ZNF570: variants seen among roughly 807,000 people sequenced by gnomAD.
ZNF570 encodes zinc finger protein 570.
A neutral mutation model predicts 14.2 loss-of-function variants in ZNF570; 8 were observed. That is an observed-to-expected ratio of 0.56 (90% CI 0.33 to 1.02). The LOEUF (loss-of-function observed/expected upper bound fraction) is 1.02, where lower values mean the gene tolerates loss of function less well. Among genes scored for constraint, ZNF570 ranks in the 50% least tolerant of loss-of-function variants. The pLI, the probability that ZNF570 is intolerant of heterozygous loss-of-function variation, is 0.03. For missense variants in ZNF570, 559 were observed against 624.9 expected (o/e 0.89, Z 1.12); for synonymous variants, 202 against 207.6 (o/e 0.97, Z 0.23).
chr19:37,479,551 A>T (rs1039751512), intron 4 of ZNF570, among the ~76,000 whole-genome samples: 21 of 151,944 alleles, frequency 1.4e-4, no homozygotes, highest in Admixed American at 3.3e-4. Context: ...TTATGAATTT[A>T]AAAAAAATGT....
Position 37,485,320 on chromosome 19 carries a change from C to T in ZNF570, c.*87C>T. On this transcript the variant is annotated 3_prime_UTR_variant, in exon 5 of 5. Coordinates refer to ENST00000330173, the MANE Select transcript of ZNF570 (RefSeq NM_144694.5). ...GGTCTGATTCATCTCACTCTGATTACTAATATAGCTTTCAAACAGGTTTTC... is the reference window on the plus strand; with the variant it reads ...GGTCTGATTCATCTCACTCTGATTATTAATATAGCTTTCAAACAGGTTTTC... 7.9e-7 allele frequency: 1 copy of T among 1,268,228 alleles called. No homozygotes were observed. Among genetic ancestry groups the T allele is most frequent in the South Asian group, 1.9e-5 (1 of 51,996 alleles). The allele number at this position is 1,268,228 out of a possible 1,614,324, so 78.6% of individuals were successfully genotyped here. A position where few individuals can be genotyped will look rare whatever the true frequency, so the allele number is the denominator to read the frequency against.
intron 4 of ZNF570, 114 bp downstream of exon 4, chr19:37,476,548 T>G (rs1346754596): frequency 7.3e-7 from 1 of 1,366,240 alleles, no homozygotes; most frequent in Non-Finnish European, 9.5e-7. Context: ...TTCTAGGTTT[T>G]CATAAAAATT....
chr19:37,471,456 A>C (rs2041963388), intron 2 of ZNF570, among the ~76,000 whole-genome samples: 1 of 152,186 alleles, frequency 6.6e-6, no homozygotes, highest in Non-Finnish European at 1.5e-5. Flanking sequence ...ATTTTTAGTA[A>C]GCACCCATTA....
At position 37,485,658 on chromosome 19, in the gene ZNF570, AG is replaced by A. The variant is rs1362280429; in HGVS notation, c.*426del. 4 of 157,084 alleles carry A rather than the reference AG, an allele frequency of 2.5e-5. No individual in the cohort carries two copies. The East Asian group carries it at 7.7e-4, about 30-fold the overall frequency. The allele number at this position is 157,084 out of a possible 1,614,324, so 9.7% of individuals were successfully genotyped here. A position where few individuals can be genotyped will look rare whatever the true frequency, so the allele number is the denominator to read the frequency against. ...GGCTGGTCTTGAACTCCTGATCTCA[AG>A]TGATCTGTCTGTCTCGGCCTCCCAA... is the stretch of plus-strand genomic sequence containing the variant. On this transcript the variant is annotated 3_prime_UTR_variant, in exon 5 of 5. Coordinates refer to ENST00000330173, the MANE Select transcript of ZNF570 (RefSeq NM_144694.5).
In ZNF570 at chr19:37,488,145, A is replaced by C. The variant is rs976254286; in HGVS notation, c.*2912A>C. On this transcript the variant is annotated 3_prime_UTR_variant, in exon 5 of 5. Transcript: ENST00000330173. ...CTCTCCTCGTGTTTCAAGGAGATAC[A>C]TATGATGGTCCATTGCAGAACTGTG... 1 of 152,242 alleles carries C rather than the reference A, an allele frequency of 6.6e-6. No individual in the cohort carries two copies. The highest frequency in any genetic ancestry group is 1.5e-5 in the Non-Finnish European group (1 of 68,044). 9.4% of individuals were successfully genotyped at this position (152,242 alleles called of 1,614,324 possible).
chr19:37,470,190 C>G (rs1704238368), intron 1 of ZNF570, 114 bp from the exon 2 acceptor site: 4 of 883,290 alleles, frequency 4.5e-6, no homozygotes, highest in Non-Finnish European at 3.5e-6. Context: ...ATTATGCTCT[C>G]TCTATTGGAG....
upstream of ZNF570, chr19:37,469,110 C>G (rs1229736365): frequency 1.9e-5 from 20 of 1,051,978 alleles, no homozygotes; most frequent in Admixed American, 1.6e-4. Context: ...GTCCCTGTGA[C>G]CGGGCCAGGC....
chr19:37,468,624 G>A (rs942922783), upstream of ZNF570, among the ~76,000 whole-genome samples: 1 of 152,216 alleles, frequency 6.6e-6, no homozygotes, highest in Non-Finnish European at 1.5e-5. Context: ...TTCTGCCTCA[G>A]CCTCCTGAGT....
At chr19:37,477,288 C>CGT (rs71177457) in intron 4 of ZNF570, among the ~76,000 whole-genome samples, 11,386 of 115,342 alleles carry the variant, frequency 0.099, 609 homozygotes, top group East Asian at 0.17. Context: ...GGGAGGTTGT[C>CGT]GTGTGTGTGT....
Position 37,484,945 on chromosome 19 carries a change from C to A in ZNF570, c.1323C>A (p.Pro441=). 6.2e-7 allele frequency: 1 copy of A among 1,614,028 alleles called. No homozygotes were observed. The highest frequency in any genetic ancestry group is 1.1e-5 in the South Asian group (1 of 91,074). Residue 441 remains proline (P), a synonymous_variant, in exon 5 of 5, where the codon CCC becomes CCA. Coordinates refer to ENST00000330173, the MANE Select transcript of ZNF570 (RefSeq NM_144694.5). ...AAAGAGTTCATACTGGAGAGAAACC[C>A]TATGAATGTATTGAATGTGGGAAGG... ...QHQRVHTGEK[P]YECIECGKAF... is the part of the protein sequence containing the mutation.
At chr19:37,475,622 G>T (rs768660649) in intron 2 of ZNF570, among the ~76,000 whole-genome samples, 6 of 152,094 alleles carry the variant, frequency 3.9e-5, no homozygotes, top group South Asian at 2.1e-4. Context: ...TAGTTGAGGA[G>T]GGTGAAGAAC....
At chr19:37,473,838 C>T (rs977741977) in intron 2 of ZNF570, among the ~76,000 whole-genome samples, 6 of 152,146 alleles carry the variant, frequency 3.9e-5, no homozygotes, top group Non-Finnish European at 5.9e-5. Flanking sequence ...TAAGGACTGA[C>T]AGAGAACTGG....
upstream of ZNF570, chr19:37,469,167 G>A: frequency 1.7e-6 from 2 of 1,179,456 alleles, no homozygotes; most frequent in Non-Finnish European, 2.1e-6. Context: ...GGAAGGCCGG[G>A]GAGAGGCCAG....
chr19:37,478,431 A>C (rs867196040), intron 4 of ZNF570, among the ~76,000 whole-genome samples: 17 of 152,168 alleles, frequency 1.1e-4, no homozygotes, highest in African/African-American at 3.9e-4. Flanking sequence ...CAACCTTGCC[A>C]ATCTCTCCTG....
At chr19:37,477,396 G>A (rs549102677) in intron 4 of ZNF570, among the ~76,000 whole-genome samples, 1 of 149,320 alleles carries the variant, frequency 6.7e-6, no homozygotes, top group African/African-American at 2.5e-5. Flanking sequence ...CTGGAGTACA[G>A]TGGCATGATC....
chr19:37,480,799 A>C (rs2042078525), intron 4 of ZNF570, among the ~76,000 whole-genome samples: 1 of 151,886 alleles, frequency 6.6e-6, no homozygotes. Context: ...CAAAATGCGA[A>C]AATTAGCTGG....
Position 37,486,776 on chromosome 19 carries a change from A to G in ZNF570, c.*1543A>G, listed in dbSNP as rs2042159271. ...AGTTTCTACAGATAATGAATTGGAT[A>G]AGCCAATTAAGAAAAATAGAATTCA... On this transcript the variant is annotated 3_prime_UTR_variant, in exon 5 of 5. Transcript: ENST00000330173. 6.6e-6 allele frequency: 1 copy of G among 152,244 alleles called. No homozygotes were observed. Among genetic ancestry groups the G allele is most frequent in the Non-Finnish European group, 1.5e-5 (1 of 68,040 alleles). The allele number at this position is 152,244 out of a possible 1,614,324, so 9.4% of individuals were successfully genotyped here.
In ZNF570 at chr19:37,486,742, G is replaced by A. The variant is rs1272743731; in HGVS notation, c.*1509G>A. ...AGTGGAACTATAACACTGACAGCCA[G>A]TTTTAGGAAGTTTCTACAGATAATG... On this transcript the variant is annotated 3_prime_UTR_variant, in exon 5 of 5. Coordinates refer to ENST00000330173, the MANE Select transcript of ZNF570 (RefSeq NM_144694.5). 6.6e-6 allele frequency: 1 copy of A among 152,214 alleles called. No homozygotes were observed. The highest frequency in any genetic ancestry group is 1.5e-5 in the Non-Finnish European group (1 of 68,042). The allele number at this position is 152,214 out of a possible 1,614,324, so 9.4% of individuals were successfully genotyped here.
intron 2 of ZNF570, among the ~76,000 whole-genome samples, chr19:37,472,584 C>G (rs1376804352): frequency 6.6e-6 from 1 of 151,694 alleles, no homozygotes; most frequent in Non-Finnish European, 1.5e-5. Flanking sequence ...CTACTAAAAA[C>G]ACAAAAAATT....
Sources: allele counts gnomAD v4.1 joint callset (sites outside exome capture counted in the v4.1 genomes callset), GRCh38; gene constraint gnomAD v4.1.1; transcripts MANE v1.5; gene names NCBI Gene and HGNC (gene_info 2026-07-23, HGNC 2026-07-21).